Variants in ZDHHC21 observed in about 807,000 individuals in gnomAD.
The protein encoded by ZDHHC21 is palmitoyltransferase ZDHHC21.
A neutral mutation model predicts 34.6 loss-of-function variants in ZDHHC21; 15 were observed. The ratio of observed to expected loss-of-function variants is 0.43; its 90% CI spans 0.29 to 0.67. The LOEUF (loss-of-function observed/expected upper bound fraction) is 0.67, where lower values mean the gene tolerates loss of function less well. Ranked by LOEUF, ZDHHC21 falls within the 30% of genes least tolerant of loss-of-function variation. ZDHHC21 has a pLI of 0.14. For synonymous variants in ZDHHC21, 142 were observed against 101.8 expected, an observed-to-expected ratio of 1.40 and a Z score of -2.38; for missense variants, 344 against 327.7, an observed-to-expected ratio of 1.05 and a Z score of -0.38.
At chr9:14,685,501 G>C (rs1270518577) in intron 2 of ZDHHC21, among the ~76,000 whole-genome samples, 1 of 151,806 alleles carries the variant, frequency 6.6e-6, no homozygotes, top group Non-Finnish European at 1.5e-5. Context: ...AAACCACAAT[G>C]ACATACCATC....
chr9:14,608,080 C>T (rs1238095875), downstream of ZDHHC21, among the ~76,000 whole-genome samples: 1 of 152,134 alleles, frequency 6.6e-6, no homozygotes, highest in Non-Finnish European at 1.5e-5. Flanking sequence ...TCCAAAAACC[C>T]TTCATACTGG....
intron 8 of ZDHHC21, among the ~76,000 whole-genome samples, chr9:14,636,792 G>A (rs1277318506): frequency 6.6e-6 from 1 of 152,060 alleles, no homozygotes; most frequent in African/African-American, 2.4e-5. Context: ...ATTAAGCAAC[G>A]TGGTTCTTAA....
At chr9:14,641,405 G>GTAACACTTT (rs1194107654) in intron 7 of ZDHHC21, among the ~76,000 whole-genome samples, 1 of 152,052 alleles carries the variant, frequency 6.6e-6, no homozygotes, top group Non-Finnish European at 1.5e-5. Context: ...AAAAAATTAA[G>GTAACACTTT]TAAATTCTGC....
chr9:14,682,183 C>A (rs184815519), intron 2 of ZDHHC21, among the ~76,000 whole-genome samples: 5 of 152,132 alleles, frequency 3.3e-5, no homozygotes, highest in African/African-American at 1.2e-4. Flanking sequence ...CAAATTCACA[C>A]ATAACAATAT....
Position 14,611,569 on chromosome 9 carries a change from C to A in ZDHHC21, c.*7397G>T, listed in dbSNP as rs183294177. On this transcript the variant is annotated 3_prime_UTR_variant, in exon 10 of 10. Coordinates refer to ENST00000380916, the MANE Select transcript of ZDHHC21 (RefSeq NM_178566.6). ...AATTTAAAAACAGGATCTTCTTATG[C>A]CACTTGTAACATACCACTATTAAAA... 9 of 152,050 alleles carry A rather than the reference C, an allele frequency of 5.9e-5. No homozygotes were observed. The East Asian group carries it at 1.4e-3, about 23-fold the overall frequency. 9.4% of individuals were successfully genotyped at this position (152,050 alleles called of 1,614,324 possible). A position where few individuals can be genotyped will look rare whatever the true frequency, so the allele number is the denominator to read the frequency against.
chr9:14,665,799 G>A (rs1017411653), intron 5 of ZDHHC21, among the ~76,000 whole-genome samples: 2 of 147,302 alleles, frequency 1.4e-5, no homozygotes, highest in African/African-American at 5.0e-5. Context: ...AGCAAATGCT[G>A]ACCAATTTTG....
chr9:14,661,995 T>A (rs1019202347), intron 6 of ZDHHC21, among the ~76,000 whole-genome samples: 2 of 146,668 alleles, frequency 1.4e-5, no homozygotes, highest in African/African-American at 2.6e-5. Flanking sequence ...TAATTCTTAC[T>A]TTTTTGGCTC....
chr9:14,606,094 C>T (rs2382487), downstream of ZDHHC21, among the ~76,000 whole-genome samples: 115,429 of 152,102 alleles, frequency 0.76, 44,561 homozygotes, highest in African/African-American at 0.91. Context: ...ATAAAAAGTA[C>T]TAAATTTCAA....
At chr9:14,655,040 A>C (rs898447208) in intron 7 of ZDHHC21, among the ~76,000 whole-genome samples, 1 of 152,000 alleles carries the variant, frequency 6.6e-6, no homozygotes, top group Non-Finnish European at 1.5e-5. Flanking sequence ...AGTGCAAAGA[A>C]AACAATACCA....
At chr9:14,622,467 A>G in intron 8 of ZDHHC21, 1 of 947,662 alleles carries the variant, frequency 1.1e-6, no homozygotes, top group Non-Finnish European at 1.3e-6. Context: ...GCTTGATGTT[A>G]GGAAAATGAG....
At chr9:14,669,688 G>A (rs1417960970) in intron 5 of ZDHHC21, among the ~76,000 whole-genome samples, 1 of 148,570 alleles carries the variant, frequency 6.7e-6, no homozygotes, top group Non-Finnish European at 1.5e-5. Flanking sequence ...AAAATGATGA[G>A]TTCATGTCCT....
chr9:14,625,003 G>C (rs1349881905), intron 8 of ZDHHC21, among the ~76,000 whole-genome samples: 2 of 152,052 alleles, frequency 1.3e-5, no homozygotes, highest in East Asian at 3.9e-4. Context: ...AACTTTGCCT[G>C]CTTTATCTAT....
chr9:14,594,975 A>C, the ZDHHC21 span, among the ~76,000 whole-genome samples: 2 of 152,164 alleles, frequency 1.3e-5, no homozygotes, highest in Non-Finnish European at 2.9e-5. Context: ...ACCGCAATGA[A>C]ATGCCACTAC....
At chr9:14,670,366 G>C (rs1408034535) in intron 5 of ZDHHC21, among the ~76,000 whole-genome samples, 1 of 152,078 alleles carries the variant, frequency 6.6e-6, no homozygotes, top group Non-Finnish European at 1.5e-5. Context: ...GTTTCTGTAT[G>C]ACCTATGAGC....
At position 14,662,193 on chromosome 9, in the gene ZDHHC21, G is replaced by C. The variant is rs991506215; in HGVS notation, c.365+22C>G. ...TTTATTACCCACCCCTCTTTTCTTT[G>C]CTAGAAGTGAATTATTCTTACCATG... is the stretch of plus-strand genomic sequence containing the variant. On this transcript the variant is annotated intron_variant, in intron 6 of 9. Coordinates refer to ENST00000380916, the MANE Select transcript of ZDHHC21 (RefSeq NM_178566.6). 3.4e-6 allele frequency: 5 copies of C among 1,489,450 alleles called. No individual in the cohort carries two copies. The Admixed American group carries it at 1.0e-4, about 30-fold the overall frequency. 92.3% of individuals were successfully genotyped at this position (1,489,450 alleles called of 1,614,324 possible).
In ZDHHC21 at chr9:14,618,915, T is replaced by G; in HGVS notation, c.*51A>C. On this transcript the variant is annotated 3_prime_UTR_variant, in exon 10 of 10. Coordinates refer to ENST00000380916, the MANE Select transcript of ZDHHC21 (RefSeq NM_178566.6). ...GTCATAGTTCTATTATCATAAAACC[T>G]GTAACGCATTGCCAGCATGGAGGAC... The G allele has an allele frequency of 6.6e-7, 1 of 1,519,776 alleles. No homozygotes were observed. The highest frequency in any genetic ancestry group is 8.8e-7 in the Non-Finnish European group (1 of 1,132,492). 94.1% of individuals were successfully genotyped at this position (1,519,776 alleles called of 1,614,324 possible).
intron 8 of ZDHHC21, among the ~76,000 whole-genome samples, chr9:14,634,708 C>G (rs1393947072): frequency 6.6e-6 from 1 of 152,106 alleles, no homozygotes; most frequent in East Asian, 1.9e-4. Flanking sequence ...TCCTCTCCCA[C>G]AAAAGCAAAT....
At chr9:14,640,465 C>T (rs894270213) in intron 7 of ZDHHC21, among the ~76,000 whole-genome samples, 1 of 151,976 alleles carries the variant, frequency 6.6e-6, no homozygotes, top group African/African-American at 2.4e-5. Flanking sequence ...GTTCAAGTGA[C>T]CAAGATATCT....
At position 14,662,957 on chromosome 9, in the gene ZDHHC21, A is replaced by G. The variant is rs1380342133; in HGVS notation, c.254-631T>C. ...TTTCAGTAGTGAAAAATGTTATAAG[A>G]CAACTACTATTTTTAATGAAAATAA... On this transcript the variant is annotated intron_variant, in intron 5 of 9. Transcript: ENST00000380916. Among the ~76,000 whole-genome samples, 4 of 152,280 alleles carry G rather than the reference A, an allele frequency of 2.6e-5. No homozygotes were observed. In the East Asian group the frequency reaches 7.7e-4, roughly 29 times the overall value.
Sources: allele counts gnomAD v4.1 joint callset (sites outside exome capture counted in the v4.1 genomes callset), GRCh38; gene constraint gnomAD v4.1.1; transcripts MANE v1.5; gene names NCBI Gene and HGNC (gene_info 2026-07-23, HGNC 2026-07-21).